The following RALGAPA1 variants were observed in gnomAD, a reference collection of about 807,000 sequenced individuals.
RALGAPA1 encodes Ral GTPase activating protein catalytic subunit alpha 1.
Under a neutral mutation model 269.6 loss-of-function variants are expected in RALGAPA1, and 52 were observed. The ratio of observed to expected loss-of-function variants is 0.19; its 90% CI spans 0.15 to 0.24. The LOEUF is 0.24. Among genes scored for constraint, RALGAPA1 ranks in the 10% least tolerant of loss-of-function variants. The pLI is 1.00. For synonymous variants in RALGAPA1, 817 were observed against 1,008.3 expected, an observed-to-expected ratio of 0.81 and a Z score of 3.60; for missense variants, 1,917 against 3,013.9, an observed-to-expected ratio of 0.64 and a Z score of 8.52.
In RALGAPA1 at chr14:35,661,959, G is replaced by C. The variant is rs543426525; in HGVS notation, c.5328+2683C>G. On this transcript the variant is annotated intron_variant, in intron 27 of 41. Coordinates refer to ENST00000680220, the MANE Select transcript of RALGAPA1 (RefSeq NM_001346249.2). Reference sequence around the variant, plus strand: ...ATCCATAAAGACAGAACATAAATCTGAGTTACCAAGAGTTTGGGGTAGGGA... The same window carrying C: ...ATCCATAAAGACAGAACATAAATCTCAGTTACCAAGAGTTTGGGGTAGGGA... Among the ~76,000 whole-genome samples the C allele has an allele frequency of 5.9e-5, 9 of 152,232 alleles. No individual in the cohort carries two copies. The South Asian group carries it at 1.7e-3, about 28-fold the overall frequency.
At chr14:35,761,123 G>C (rs753347453) in intron 5 of RALGAPA1, 117 bp from the exon 6 acceptor site, 40 of 629,660 alleles carry the variant, frequency 6.4e-5, no homozygotes, top group Non-Finnish European at 8.8e-5. Context: ...AGGCAGGGTA[G>C]GGAAGGAAGG....
intron 16 of RALGAPA1, among the ~76,000 whole-genome samples, chr14:35,702,378 A>G (rs899951274): frequency 1.3e-5 from 2 of 152,212 alleles, no homozygotes; most frequent in African/African-American, 4.8e-5. Context: ...ATCTGTAGGT[A>G]AAAAATATAG....
chr14:35,802,087 C>G (rs1285010960), intron 1 of RALGAPA1, among the ~76,000 whole-genome samples: 1 of 152,122 alleles, frequency 6.6e-6, no homozygotes, highest in Non-Finnish European at 1.5e-5. Flanking sequence ...AGGCAGGTGG[C>G]TCACGAGGTC....
chr14:35,616,274 T>C (rs933996768), intron 35 of RALGAPA1, among the ~76,000 whole-genome samples: 9 of 152,008 alleles, frequency 5.9e-5, no homozygotes, highest in Non-Finnish European at 1.2e-4. Context: ...ATGAGGGAGA[T>C]ACCTATGTTA....
At chr14:35,697,913 T>C (rs1374611819) in intron 17 of RALGAPA1, among the ~76,000 whole-genome samples, 1 of 152,178 alleles carries the variant, frequency 6.6e-6, no homozygotes, top group Non-Finnish European at 1.5e-5. Flanking sequence ...ATTATGCTTT[T>C]ATATTTTAAA....
chr14:35,692,663 T>C (rs775408449), intron 17 of RALGAPA1, among the ~76,000 whole-genome samples: 15 of 151,860 alleles, frequency 9.9e-5, no homozygotes, highest in Non-Finnish European at 1.8e-4. Context: ...TCTTAAGATT[T>C]AAATATAGTT....
chr14:35,741,701 T>C (rs556956096), intron 11 of RALGAPA1, among the ~76,000 whole-genome samples: 105 of 152,312 alleles, frequency 6.9e-4, no homozygotes, highest in South Asian at 2.1e-3. Flanking sequence ...CAATAAACTT[T>C]CTGCACTCCT....
At chr14:35,577,703 A>T (rs1391062681) in intron 37 of RALGAPA1, among the ~76,000 whole-genome samples, 1 of 152,170 alleles carries the variant, frequency 6.6e-6, no homozygotes, top group Non-Finnish European at 1.5e-5. Flanking sequence ...AGTGCCATAT[A>T]ATATCACTTA....
At chr14:35,659,091 T>C (rs1190605412) in intron 28 of RALGAPA1, 47 bp downstream of exon 28, 2 of 1,427,556 alleles carry the variant, frequency 1.4e-6, no homozygotes, top group Admixed American at 4.3e-5. Flanking sequence ...ACTTCTAAAC[T>C]TCCAAACACA....
At chr14:35,683,361 G>GTGTGCTTTATAT (rs1191328561) in intron 21 of RALGAPA1, 1 of 152,526 alleles carries the variant, frequency 6.6e-6, no homozygotes, top group Non-Finnish European at 1.5e-5. Flanking sequence ...CTATTAAGCA[G>GTGTGCTTTATAT]TGTGCTTTAT....
At chr14:35,651,772 C>A in intron 31 of RALGAPA1, 33 bp downstream of exon 31, 1 of 1,553,144 alleles carries the variant, frequency 6.4e-7, no homozygotes, top group Non-Finnish European at 8.7e-7. Flanking sequence ...ACTAAATAAC[C>A]ACATACTAAT....
intron 16 of RALGAPA1, among the ~76,000 whole-genome samples, chr14:35,712,242 A>C (rs1473370789): frequency 2.3e-4 from 33 of 146,528 alleles, no homozygotes; most frequent in South Asian, 8.6e-4. Context: ...GCATGTCTCA[A>C]AAAAAAAAAA....
At chr14:35,693,241 A>T (rs1287108083) in intron 17 of RALGAPA1, among the ~76,000 whole-genome samples, 3 of 151,846 alleles carry the variant, frequency 2.0e-5, no homozygotes, top group East Asian at 3.8e-4. Context: ...AAAGAATTTT[A>T]AAAAAACCAC....
At chr14:35,775,161 G>C (rs1008389424) in intron 2 of RALGAPA1, 106 bp from the exon 3 acceptor site, 84 of 685,006 alleles carry the variant, frequency 1.2e-4, no homozygotes, top group Non-Finnish European at 1.8e-4. Context: ...CAATTATTTA[G>C]TAAAATGTTT....
intron 26 of RALGAPA1, among the ~76,000 whole-genome samples, chr14:35,667,873 T>C (rs2064078733): frequency 6.6e-6 from 1 of 152,220 alleles, no homozygotes; most frequent in Non-Finnish European, 1.5e-5. Flanking sequence ...TACCACACAC[T>C]ATTCACAACA....
intron 39 of RALGAPA1, among the ~76,000 whole-genome samples, chr14:35,553,386 C>T (rs1373771607): frequency 2.0e-5 from 3 of 152,190 alleles, no homozygotes; most frequent in Non-Finnish European, 4.4e-5. Flanking sequence ...ACAAAAGATA[C>T]TGCAGAAGGT....
At chr14:35,788,080 T>C (rs1278980620) in intron 1 of RALGAPA1, among the ~76,000 whole-genome samples, 1 of 152,158 alleles carries the variant, frequency 6.6e-6, no homozygotes, top group Non-Finnish European at 1.5e-5. Flanking sequence ...CAAGCGATTC[T>C]CCTGCCTCAG....
rs140413304 is a variant in RALGAPA1 at position 35,674,578 on chromosome 14, C to T, written c.4756G>A (p.Asp1586Asn). Residue 1586 changes from aspartate to asparagine, a missense_variant, in exon 23 of 42, where the codon GAT (aspartate) becomes AAT (asparagine). By Grantham distance (23) the Asp-to-Asn change is conservative. Coordinates refer to ENST00000680220, the MANE Select transcript of RALGAPA1 (RefSeq NM_001346249.2). ...AAAACTTGAGCATGTATTTCAGGAT[C>T]CATGATTGAATTTACATCTCCCAAA... ...GILGDVNSIMDPEIHAQVFDY... is the reference protein window; with the variant it reads ...GILGDVNSIMNPEIHAQVFDY... 10,621 of 1,608,500 alleles carry T rather than the reference C, an allele frequency of 6.6e-3. 52 individuals carry two copies. The highest frequency in any genetic ancestry group is 7.4e-3 in the Non-Finnish European group (8,753 of 1,177,432).
chr14:35,697,016 T>C (rs1055900314), intron 17 of RALGAPA1, among the ~76,000 whole-genome samples: 2 of 152,230 alleles, frequency 1.3e-5, no homozygotes, highest in Non-Finnish European at 2.9e-5. Context: ...GATTGTTTTT[T>C]AATTTAGCAC....
Sources: allele counts gnomAD v4.1 joint callset (sites outside exome capture counted in the v4.1 genomes callset), GRCh38; gene constraint gnomAD v4.1.1; transcripts MANE v1.5; gene names NCBI Gene and HGNC (gene_info 2026-07-23, HGNC 2026-07-21).